SLC44A5: variants seen among roughly 807,000 people sequenced by gnomAD.
The protein encoded by SLC44A5 is solute carrier family 44 member 5, also known as choline transporter-like protein 5.
Under a neutral mutation model 101.8 loss-of-function variants are expected in SLC44A5, and 57 were observed. The observed-to-expected ratio is 0.56, with a 90% CI of 0.45 to 0.70. The LOEUF (loss-of-function observed/expected upper bound fraction) is 0.70. Ranked by LOEUF, SLC44A5 falls within the 30% of genes least tolerant of loss-of-function variation. The pLI is 0.00. For missense variants in SLC44A5, 737 were observed against 853.1 expected, an observed-to-expected ratio of 0.86 and a Z score of 1.70; for synonymous variants, 281 against 290.9, an observed-to-expected ratio of 0.97 and a Z score of 0.35.
At chr1:75,305,807 A>G (rs900082191) in intron 4 of SLC44A5, among the ~76,000 whole-genome samples, 1 of 152,088 alleles carries the variant, frequency 6.6e-6, no homozygotes, top group Non-Finnish European at 1.5e-5. Flanking sequence ...CTAAAATCCT[A>G]TCCTTCAAGT....
intron 3 of SLC44A5, among the ~76,000 whole-genome samples, chr1:75,342,094 G>A (rs964686686): frequency 6.6e-6 from 1 of 152,182 alleles, no homozygotes; most frequent in African/African-American, 2.4e-5. Context: ...GAGGAGAAAA[G>A]CAGGTCATCA....
At chr1:75,296,027 G>A (rs10493568) in intron 5 of SLC44A5, among the ~76,000 whole-genome samples, 9,004 of 152,148 alleles carry the variant, frequency 0.059, 311 homozygotes, top group Middle Eastern at 0.13. Flanking sequence ...CTTATTCTAC[G>A]AAGGATTAAG....
At chr1:75,465,506 T>C (rs1169832155) in intron 2 of SLC44A5, among the ~76,000 whole-genome samples, 1 of 151,294 alleles carries the variant, frequency 6.6e-6, no homozygotes, top group African/African-American at 2.4e-5. Context: ...AAAACCAAAA[T>C]TAGTAGACGA....
intron 20 of SLC44A5, among the ~76,000 whole-genome samples, chr1:75,214,218 G>A (rs1217428759): frequency 1.3e-5 from 2 of 152,078 alleles, no homozygotes; most frequent in African/African-American, 4.8e-5. Context: ...TGCAGTGGTG[G>A]TGTCAGCCTC....
At chr1:75,464,601 C>A (rs1245200270) in intron 2 of SLC44A5, among the ~76,000 whole-genome samples, 6 of 151,840 alleles carry the variant, frequency 4.0e-5, no homozygotes, top group African/African-American at 1.2e-4. Flanking sequence ...TCAAAATATA[C>A]TGACTGAATG....
the SLC44A5 span, among the ~76,000 whole-genome samples, chr1:75,665,756 T>C: frequency 6.6e-6 from 1 of 151,986 alleles, no homozygotes; most frequent in African/African-American, 2.4e-5. Context: ...TATAAAGAAC[T>C]AAAACAATTC....
chr1:75,427,413 A>C (rs984402353), intron 2 of SLC44A5, among the ~76,000 whole-genome samples: 1 of 152,214 alleles, frequency 6.6e-6, no homozygotes, highest in African/African-American at 2.4e-5. Flanking sequence ...AAATAGAAAA[A>C]TGCCTGCTAT....
At chr1:75,328,163 A>G (rs1328990614) in intron 4 of SLC44A5, among the ~76,000 whole-genome samples, 1 of 152,194 alleles carries the variant, frequency 6.6e-6, no homozygotes, top group African/African-American at 2.4e-5. Flanking sequence ...ACTGCCTTTA[A>G]TTTTTTAATA....
At chr1:75,641,416 T>A in the SLC44A5 span, 1 of 1,098,144 alleles carries the variant, frequency 9.1e-7, no homozygotes, top group African/African-American at 1.5e-5. Context: ...CATTGCTTTG[T>A]GGAGAATAAG....
chr1:75,410,997 A>G (rs959935862), intron 2 of SLC44A5, among the ~76,000 whole-genome samples: 1 of 152,108 alleles, frequency 6.6e-6, no homozygotes, highest in Non-Finnish European at 1.5e-5. Context: ...GGGTGTAATC[A>G]TAGTAAGACA....
At chr1:75,257,892 A>T (rs1650147899) in intron 6 of SLC44A5, among the ~76,000 whole-genome samples, 1 of 152,112 alleles carries the variant, frequency 6.6e-6, no homozygotes, top group Non-Finnish European at 1.5e-5. Flanking sequence ...GGTGTAGCCC[A>T]GGGAGGGCGA....
chr1:75,671,044 G>C, the SLC44A5 span, among the ~76,000 whole-genome samples: 1 of 152,182 alleles, frequency 6.6e-6, no homozygotes, highest in Admixed American at 6.6e-5. Flanking sequence ...AAGGCGTAAG[G>C]AGAAAGCATG....
intron 2 of SLC44A5, among the ~76,000 whole-genome samples, chr1:75,408,445 A>G (rs973182844): frequency 4.6e-5 from 7 of 152,212 alleles, no homozygotes; most frequent in African/African-American, 1.7e-4. Context: ...TCACAACAGC[A>G]AAGACTTGGA....
intron 2 of SLC44A5, among the ~76,000 whole-genome samples, chr1:75,429,374 T>C (rs964990192): frequency 1.3e-5 from 2 of 152,126 alleles, no homozygotes; most frequent in African/African-American, 4.8e-5. Context: ...GGCTCCAGGG[T>C]CAGTATATCT....
intron 6 of SLC44A5, among the ~76,000 whole-genome samples, chr1:75,259,386 C>T (rs186701894): frequency 3.5e-4 from 54 of 152,140 alleles, no homozygotes; most frequent in African/African-American, 1.2e-3. Context: ...AAAGCATACA[C>T]AAGTATCAAT....
chr1:75,291,434 G>A (rs1653533357), intron 5 of SLC44A5, among the ~76,000 whole-genome samples: 1 of 152,128 alleles, frequency 6.6e-6, no homozygotes, highest in Admixed American at 6.5e-5. Context: ...AGTCTGTTGG[G>A]AGAAATAGAT....
intron 1 of SLC44A5, 80 bp from the exon 2 acceptor site, chr1:75,541,596 T>C: frequency 1.2e-6 from 1 of 831,878 alleles, no homozygotes; most frequent in Non-Finnish European, 1.8e-6. Context: ...TTGGGAATGC[T>C]CTCATAACTT....
At chr1:75,440,282 T>A (rs1472947591) in intron 2 of SLC44A5, among the ~76,000 whole-genome samples, 1 of 152,146 alleles carries the variant, frequency 6.6e-6, no homozygotes, top group Non-Finnish European at 1.5e-5. Flanking sequence ...AAGTTCTCAC[T>A]GATCAAGTGA....
Position 75,203,790 on chromosome 1 carries a change from A to G in SLC44A5, c.2091T>C (p.Tyr697=). ...ERNDGSTARP[Y]YVSQPLLKIF... is the part of the protein sequence containing the mutation. ...TCTTCAGCAAAGGTTGACTCACATA[A>G]TAAGGTCTTGCAGTAGAACCATCAT... Residue 697 remains tyrosine (Y), a synonymous_variant, in exon 24 of 24, where the codon TAT becomes TAC. Transcript: ENST00000370859. 3 of 1,550,260 alleles carry G rather than the reference A, an allele frequency of 1.9e-6. No individual in the cohort carries two copies. Among genetic ancestry groups the G allele is most frequent in the Non-Finnish European group, 2.6e-6 (3 of 1,146,280 alleles).
Sources: allele counts gnomAD v4.1 joint callset (sites outside exome capture counted in the v4.1 genomes callset), GRCh38; gene constraint gnomAD v4.1.1; transcripts MANE v1.5; gene names NCBI Gene and HGNC (gene_info 2026-07-23, HGNC 2026-07-21).